PLA2G12A: variants seen among roughly 807,000 people sequenced by gnomAD.
PLA2G12A encodes group XIIA secretory phospholipase A2.
PLA2G12A carries 11 observed loss-of-function variants against 16.0 expected under a neutral mutation model. The observed-to-expected ratio is 0.69, with a 90% CI of 0.43 to 1.13. PLA2G12A has a LOEUF of 1.13. PLA2G12A is among the 50% of genes most tolerant of loss of function. PLA2G12A has a pLI of 0.00. For synonymous variants in PLA2G12A, 77 were observed against 93.8 expected, an observed-to-expected ratio of 0.82 and a Z score of 1.03; for missense variants, 214 against 237.3, an observed-to-expected ratio of 0.90 and a Z score of 0.65.
chr4:109,720,591 AAAAAAAAAAAAAAATATATATATATAT>A lies in PLA2G12A; in HGVS notation c.209-1859_209-1833del, dbSNP rs1240586359. ...TCTGTATTCAAAAAAAAAAAAAAAA[AAAAAAAAAAAAAAATATATATATATAT>A]ATATATATATATATATATATATATA... is the stretch of plus-strand genomic sequence containing the variant. On this transcript the variant is annotated intron_variant, in intron 1 of 3. Coordinates refer to ENST00000243501, the MANE Select transcript of PLA2G12A (RefSeq NM_030821.5). 3.0e-4 allele frequency among the ~76,000 whole-genome samples: 10 copies of A among 33,818 alleles called. 1 individual carries two copies. Among genetic ancestry groups the A allele is most frequent in the East Asian group, 1.7e-3 (3 of 1,788 alleles). 22.2% of individuals were successfully genotyped at this position (33,818 alleles called of 152,430 possible).
At chr4:109,719,695 A>T (rs1730887959) in intron 1 of PLA2G12A, among the ~76,000 whole-genome samples, 1 of 152,236 alleles carries the variant, frequency 6.6e-6, no homozygotes. Flanking sequence ...TCCAGTGCAT[A>T]TAAAAGTTTT....
At chr4:109,715,161 T>C (rs561772404) in intron 3 of PLA2G12A, among the ~76,000 whole-genome samples, 1 of 152,274 alleles carries the variant, frequency 6.6e-6, no homozygotes, top group South Asian at 2.1e-4. Context: ...CACTGATTAA[T>C]CAGTGTTTTA....
chr4:109,722,272 T>A (rs76717156), intron 1 of PLA2G12A, among the ~76,000 whole-genome samples: 9,883 of 152,274 alleles, frequency 0.065, 448 homozygotes, highest in East Asian at 0.21. Context: ...TCTGCTCCTG[T>A]CCCAGGGCCT....
rs1723021184 is a variant in PLA2G12A at position 109,729,915 on chromosome 4, C to G, written c.-106G>C. 5.4e-6 allele frequency: 5 copies of G among 929,264 alleles called. No individual in the cohort carries two copies. The East Asian group carries it at 1.5e-4, about 27-fold the overall frequency. The allele number at this position is 929,264 out of a possible 1,614,324, so 57.6% of individuals were successfully genotyped here. ...GCGGCGCGGGCCCCGGACTTGGCAG[C>G]AGCCAGCTCCATATCCACGCCTCCT... On this transcript the variant is annotated 5_prime_UTR_variant, in exon 1 of 4. Coordinates refer to ENST00000243501, the MANE Select transcript of PLA2G12A (RefSeq NM_030821.5).
chr4:109,722,253 C>T (rs1722797437), intron 1 of PLA2G12A, among the ~76,000 whole-genome samples: 1 of 152,230 alleles, frequency 6.6e-6, no homozygotes, highest in Non-Finnish European at 1.5e-5. Flanking sequence ...GTTCCACAGA[C>T]ACTGCAGGTC....
At chr4:109,728,573 A>G (rs1372171059) in intron 1 of PLA2G12A, among the ~76,000 whole-genome samples, 2 of 152,252 alleles carry the variant, frequency 1.3e-5, no homozygotes, top group East Asian at 1.9e-4. Context: ...TCAGCGCTTT[A>G]AAGTATACAA....
At chr4:109,714,932 G>C (rs1730800208) in intron 3 of PLA2G12A, among the ~76,000 whole-genome samples, 1 of 150,168 alleles carries the variant, frequency 6.7e-6, no homozygotes, top group Admixed American at 6.7e-5. Flanking sequence ...ATTTTAAACA[G>C]ACACACAACA....
intron 1 of PLA2G12A, among the ~76,000 whole-genome samples, chr4:109,720,612 T>A (rs1489449314): frequency 2.4e-3 from 61 of 25,028 alleles, no homozygotes; most frequent in African/African-American, 3.1e-3. Flanking sequence ...AAAATATATA[T>A]ATATATATAT....
intron 1 of PLA2G12A, among the ~76,000 whole-genome samples, chr4:109,726,846 G>A (rs1722950229): frequency 6.6e-6 from 1 of 151,772 alleles, no homozygotes; most frequent in Admixed American, 6.6e-5. Flanking sequence ...AACTAAGGGA[G>A]CAAGTCTCCA....
chr4:109,721,031 A>C (rs1302730320), intron 1 of PLA2G12A, among the ~76,000 whole-genome samples: 1 of 152,026 alleles, frequency 6.6e-6, no homozygotes. Flanking sequence ...AGATCGTGCC[A>C]TTGCACTCCA....
chr4:109,719,354 A>G (rs1260034975), intron 1 of PLA2G12A, among the ~76,000 whole-genome samples: 4 of 152,200 alleles, frequency 2.6e-5, no homozygotes, highest in Admixed American at 2.0e-4. Flanking sequence ...CACCGAGTCA[A>G]CCATTCCACA....
In PLA2G12A at chr4:109,729,897, G is replaced by A; in HGVS notation, c.-88C>T. ...CCCAGGACGCGCTAGGCAGCGGCGC[G>A]GGCCCCGGACTTGGCAGCAGCCAGC... On this transcript the variant is annotated 5_prime_UTR_variant, in exon 1 of 4. Coordinates refer to ENST00000243501, the MANE Select transcript of PLA2G12A (RefSeq NM_030821.5). The A allele has an allele frequency of 8.2e-7, 1 of 1,218,500 alleles. No homozygotes were observed. Among genetic ancestry groups the A allele is most frequent in the Middle Eastern group, 2.8e-4 (1 of 3,518 alleles). 75.5% of individuals were successfully genotyped at this position (1,218,500 alleles called of 1,614,324 possible). A position where few individuals can be genotyped will look rare whatever the true frequency, so the allele number is the denominator to read the frequency against.
At chr4:109,715,770 C>T (rs1380589809) in intron 3 of PLA2G12A, among the ~76,000 whole-genome samples, 8 of 152,114 alleles carry the variant, frequency 5.3e-5, no homozygotes, top group East Asian at 1.9e-4. Context: ...CCACCGCACC[C>T]GGCCCCAGTT....
Position 109,717,599 on chromosome 4 carries a change from T to C in PLA2G12A, c.400A>G (p.Lys134Glu). The C allele has an allele frequency of 1.2e-6, 2 of 1,613,974 alleles. No homozygotes were observed. The highest frequency in any genetic ancestry group is 1.7e-6 in the Non-Finnish European group (2 of 1,179,846). Residue 134 changes from lysine (K) to glutamate (E), a missense_variant, in exon 3 of 4, where the codon AAG (lysine) becomes GAG (glutamate). Physicochemically the swap from Lys to Glu is moderately conservative, Grantham distance 56. Coordinates refer to ENST00000243501, the MANE Select transcript of PLA2G12A (RefSeq NM_030821.5). Reference protein sequence around the residue: ...CDEEFQYCLSKICRDVQKTLG... With the variant: ...CDEEFQYCLSEICRDVQKTLG... ...GTTTTCTGTACATCTCGGCAGATCT[T>C]GGAGAGGCAATACTGGAATTCTTCA...
At position 109,710,929 on chromosome 4, in the gene PLA2G12A, A is replaced by G. The variant is rs1248102952; in HGVS notation, c.*3448T>C. On this transcript the variant is annotated 3_prime_UTR_variant, in exon 4 of 4. Coordinates refer to ENST00000243501, the MANE Select transcript of PLA2G12A (RefSeq NM_030821.5). ...CTCCATCTATGAAATAAATACAGCC[A>G]TATCTGTCCCTGGAAGAACTATGTC... 6.6e-6 allele frequency: 1 copy of G among 152,154 alleles called. No homozygotes were observed. Among genetic ancestry groups the G allele is most frequent in the African/African-American group, 2.4e-5 (1 of 41,436 alleles). The allele number at this position is 152,154 out of a possible 1,614,324, so 9.4% of individuals were successfully genotyped here. A position where few individuals can be genotyped will look rare whatever the true frequency, so the allele number is the denominator to read the frequency against.
chr4:109,718,639 G>T, intron 2 of PLA2G12A, 44 bp downstream of exon 2: 1 of 1,400,272 alleles, frequency 7.1e-7, no homozygotes, highest in South Asian at 1.2e-5. Context: ...AGTATTACAT[G>T]ATTTACCAGT....
chr4:109,719,819 A>G (rs1340559389), intron 1 of PLA2G12A, among the ~76,000 whole-genome samples: 1 of 152,352 alleles, frequency 6.6e-6, no homozygotes, highest in East Asian at 1.9e-4. Flanking sequence ...ACAGATACTA[A>G]GTGAGCACAT....
chr4:109,728,450 T>G (rs1271333087), intron 1 of PLA2G12A, among the ~76,000 whole-genome samples: 1 of 152,244 alleles, frequency 6.6e-6, no homozygotes, highest in Non-Finnish European at 1.5e-5. Context: ...AATTATGCAC[T>G]TAATCCTCCG....
chr4:109,713,336 A>G lies in PLA2G12A; in HGVS notation c.*1041T>C, dbSNP rs544603553. ...CTCTAAACATATGGTAATAATTTTC[A>G]ATGTAAATAAGAGATCTATAAAAGG... On this transcript the variant is annotated 3_prime_UTR_variant, in exon 4 of 4. Transcript: ENST00000243501. The G allele has an allele frequency of 2.0e-5, 3 of 152,322 alleles. No homozygotes were observed. Among genetic ancestry groups the G allele is most frequent in the Admixed American group, 2.0e-4 (3 of 15,308 alleles). 9.4% of individuals were successfully genotyped at this position (152,322 alleles called of 1,614,324 possible).
Sources: gnomAD v4.1 joint callset for allele counts (sites outside exome capture counted in the v4.1 genomes callset) on GRCh38, gnomAD v4.1.1 for gene constraint, MANE v1.5 for transcripts, NCBI Gene and HGNC (gene_info 2026-07-23, HGNC 2026-07-21) for gene names.